The following NLGN1 variants were observed in gnomAD, a reference collection of about 807,000 sequenced individuals.
The protein encoded by NLGN1 is neuroligin 1, also known as neuroligin-1.
In NLGN1, 12 loss-of-function variants were observed where a neutral mutation model predicts 65.5. The observed-to-expected ratio is 0.18, with a 90% CI of 0.12 to 0.30. NLGN1 has a LOEUF of 0.30. NLGN1 is among the 10% of genes least tolerant of loss of function. The pLI is 1.00. For synonymous variants in NLGN1, 350 were observed against 359.5 expected (o/e 0.97, Z 0.30); for missense variants, 750 against 1,007.1 (o/e 0.74, Z 3.46).
intron 3 of NLGN1, among the ~76,000 whole-genome samples, chr3:173,798,987 T>A (rs1346199560): frequency 1.3e-5 from 2 of 152,062 alleles, no homozygotes; most frequent in Non-Finnish European, 2.9e-5. Flanking sequence ...TGAATAGTAA[T>A]CTCGGAAAAG....
intron 3 of NLGN1, among the ~76,000 whole-genome samples, chr3:173,642,828 CAA>C (rs946986060): frequency 1.3e-5 from 2 of 151,636 alleles, no homozygotes; most frequent in Non-Finnish European, 2.9e-5. Flanking sequence ...GCAAAGTATG[CAA>C]AAAAAGTACT....
At chr3:173,671,897 G>A (rs993796285) in intron 3 of NLGN1, among the ~76,000 whole-genome samples, 1 of 152,170 alleles carries the variant, frequency 6.6e-6, no homozygotes, top group Non-Finnish European at 1.5e-5. Flanking sequence ...ATAGTTGGCC[G>A]GGCGTGGTGG....
intron 4 of NLGN1, among the ~76,000 whole-genome samples, chr3:174,067,396 T>G (rs1224276781): frequency 1.3e-5 from 2 of 152,208 alleles, no homozygotes; most frequent in African/African-American, 4.8e-5. Context: ...GATCAATAAT[T>G]GCAAATTCAA....
At chr3:173,975,876 G>A (rs113915783) in intron 4 of NLGN1, among the ~76,000 whole-genome samples, 6 of 151,956 alleles carry the variant, frequency 3.9e-5, no homozygotes, top group Non-Finnish European at 8.8e-5. Flanking sequence ...TAGAAACGAA[G>A]TTTCTTGAGG....
At chr3:174,153,429 A>G (rs1336904095) in intron 4 of NLGN1, among the ~76,000 whole-genome samples, 1 of 152,126 alleles carries the variant, frequency 6.6e-6, no homozygotes, top group Non-Finnish European at 1.5e-5. Context: ...ACAGATGTAG[A>G]ATTTTGCTTA....
intron 4 of NLGN1, among the ~76,000 whole-genome samples, chr3:173,956,041 A>C (rs1316717797): frequency 6.6e-6 from 1 of 152,124 alleles, no homozygotes; most frequent in Non-Finnish European, 1.5e-5. Context: ...TTAAAATACA[A>C]AACTTTATAC....
At chr3:174,187,973 A>G (rs1469005746) in intron 4 of NLGN1, among the ~76,000 whole-genome samples, 1 of 152,018 alleles carries the variant, frequency 6.6e-6, no homozygotes, top group Non-Finnish European at 1.5e-5. Flanking sequence ...ATGTTTATTG[A>G]ATGAATCAAT....
At chr3:173,747,804 T>A (rs11918282) in intron 3 of NLGN1, among the ~76,000 whole-genome samples, 1 of 68,428 alleles carries the variant, frequency 1.5e-5, no homozygotes, top group Non-Finnish European at 2.9e-5. Context: ...TCTTGTTCTT[T>A]TTTTTTTTTT....
chr3:174,105,705 A>ATCTATATGTAGATATAGATATCTATG (rs1713590537), intron 4 of NLGN1, among the ~76,000 whole-genome samples: 1 of 151,976 alleles, frequency 6.6e-6, no homozygotes, highest in African/African-American at 2.4e-5. Flanking sequence ...AGATATCTAT[A>ATCTATATGTAGATATAGATATCTATG]TCTATATCTA....
chr3:173,934,105 T>C (rs1170182673), intron 4 of NLGN1, among the ~76,000 whole-genome samples: 1 of 151,538 alleles, frequency 6.6e-6, no homozygotes, highest in African/African-American at 2.4e-5. Flanking sequence ...ATATGTGCAA[T>C]AAAATAACTA....
intron 4 of NLGN1, among the ~76,000 whole-genome samples, chr3:174,054,933 G>A (rs896341489): frequency 6.6e-6 from 1 of 151,850 alleles, no homozygotes; most frequent in Non-Finnish European, 1.5e-5. Context: ...TTTGCTTTTG[G>A]TTTCTCCTTC....
intron 2 of NLGN1, among the ~76,000 whole-genome samples, chr3:173,500,728 G>A (rs1730953884): frequency 6.6e-6 from 1 of 152,082 alleles, no homozygotes; most frequent in African/African-American, 2.4e-5. Context: ...ATCAATTTCA[G>A]TGCCTGTTAT....
chr3:173,638,246 G>T (rs1156615221), intron 3 of NLGN1, among the ~76,000 whole-genome samples: 1 of 149,618 alleles, frequency 6.7e-6, no homozygotes, highest in African/African-American at 2.5e-5. Context: ...ACTCTGTTTT[G>T]ATGTTCCAGG....
At chr3:173,853,758 C>T (rs1357134391) in intron 4 of NLGN1, among the ~76,000 whole-genome samples, 2 of 151,966 alleles carry the variant, frequency 1.3e-5, no homozygotes. Flanking sequence ...ACATTTTCTG[C>T]AGATTTTGCT....
chr3:173,509,606 C>T (rs1325621010), intron 2 of NLGN1, among the ~76,000 whole-genome samples: 2 of 151,950 alleles, frequency 1.3e-5, no homozygotes, highest in Non-Finnish European at 2.9e-5. Context: ...GTGATGGGAG[C>T]GAGACCCTGT....
At chr3:174,216,513 C>A (rs1283645170) in intron 4 of NLGN1, among the ~76,000 whole-genome samples, 1 of 152,046 alleles carries the variant, frequency 6.6e-6, no homozygotes, top group Non-Finnish European at 1.5e-5. Context: ...ATCTTTCAGT[C>A]GTGTTAGTCT....
At chr3:173,962,749 T>G (rs1713894493) in intron 4 of NLGN1, among the ~76,000 whole-genome samples, 1 of 152,164 alleles carries the variant, frequency 6.6e-6, no homozygotes, top group South Asian at 2.1e-4. Context: ...ACCCAATAAC[T>G]ACAAAGTTAT....
intron 4 of NLGN1, among the ~76,000 whole-genome samples, chr3:174,025,258 C>G (rs932771210): frequency 1.3e-5 from 2 of 152,128 alleles, no homozygotes; most frequent in Non-Finnish European, 2.9e-5. Context: ...AAGTATCTAG[C>G]TTGTAATCTT....
At chr3:173,786,792 T>C (rs779309300) in intron 3 of NLGN1, among the ~76,000 whole-genome samples, 4 of 152,082 alleles carry the variant, frequency 2.6e-5, no homozygotes, top group Non-Finnish European at 5.9e-5. Flanking sequence ...AAAACAGATA[T>C]GGGGCAGGGC....
Sources: gnomAD v4.1 joint callset for allele counts (sites outside exome capture counted in the v4.1 genomes callset) on GRCh38, gnomAD v4.1.1 for gene constraint, MANE v1.5 for transcripts, NCBI Gene and HGNC (gene_info 2026-07-23, HGNC 2026-07-21) for gene names.